The following TRAPPC3L variants were observed in gnomAD, a reference collection of about 807,000 sequenced individuals.
TRAPPC3L encodes trafficking protein particle complex subunit 3L, also known as trafficking protein particle complex subunit 3-like protein.
Under a neutral mutation model 23.7 loss-of-function variants are expected in TRAPPC3L, and 23 were observed. The observed-to-expected ratio is 0.97, with a 90% confidence interval of 0.70 to 1.37. The LOEUF (loss-of-function observed/expected upper bound fraction) is 1.37, where lower values mean the gene tolerates loss of function less well. TRAPPC3L is among the 40% of genes most tolerant of loss of function. TRAPPC3L has a pLI of 0.00. For synonymous variants in TRAPPC3L, 81 were observed against 77.9 expected, an observed-to-expected ratio of 1.04 and a Z score of -0.21; for missense variants, 212 against 216.8, an observed-to-expected ratio of 0.98 and a Z score of 0.14.
At chr6:116,543,823 A>G (rs985941557) in intron 1 of TRAPPC3L, 3 of 1,534,358 alleles carry the variant, frequency 2.0e-6, no homozygotes, top group Admixed American at 2.0e-5. Flanking sequence ...AATGGCCCCC[A>G]GATCTGCCAA....
At chr6:116,530,926 T>C (rs148206257) in intron 3 of TRAPPC3L, among the ~76,000 whole-genome samples, 3,094 of 142,808 alleles carry the variant, frequency 0.022, 60 homozygotes, top group Middle Eastern at 0.077. Context: ...TATATATATA[T>C]ATATATATAT....
intron 3 of TRAPPC3L, chr6:116,512,145 G>A (rs1772134917): frequency 1.2e-5 from 19 of 1,613,442 alleles, no homozygotes; most frequent in Non-Finnish European, 1.4e-5. Context: ...AAAGAGTGCT[G>A]GGAAGAACTT....
chr6:116,505,218 C>G (rs1771982798), intron 3 of TRAPPC3L, among the ~76,000 whole-genome samples: 1 of 152,098 alleles, frequency 6.6e-6, no homozygotes, highest in Non-Finnish European at 1.5e-5. Context: ...TTCTTACACA[C>G]CAATAACAGA....
chr6:116,521,177 A>T (rs1772332079), intron 3 of TRAPPC3L: 3 of 152,094 alleles, frequency 2.0e-5, no homozygotes, highest in Admixed American at 1.3e-4. Context: ...ATATAACAAA[A>T]CATGACAAAT....
At chr6:116,515,607 G>A in intron 3 of TRAPPC3L, 1 of 1,607,774 alleles carries the variant, frequency 6.2e-7, no homozygotes, top group Non-Finnish European at 8.5e-7. Flanking sequence ...AAGATTCTAG[G>A]ATGGTGCCTG....
chr6:116,512,312 C>A, intron 3 of TRAPPC3L: 1 of 1,431,908 alleles, frequency 7.0e-7, no homozygotes, highest in Non-Finnish European at 9.4e-7. Context: ...TCAGCCAGGG[C>A]TGTCTGTGTC....
Position 116,500,492 on chromosome 6 carries a change from C to T in TRAPPC3L, c.415G>A (p.Ala139Thr). The change falls in exon 4 of 5, where the codon GCC becomes ACC. Residue 139 changes from alanine to threonine, a missense_variant. By Grantham distance (58) the Ala-to-Thr change is moderately conservative (BLOSUM62 0). Transcript: ENST00000368602. The stretch of plus-strand genomic sequence containing the variant: ...TTATTCAACTTTACCATTTCCAAGG[C>T]ACCTCTGATAATCCCACAGAGCAAG... ...CNLLCGIIRG[A>T]LEMVHLAADV... 1 of 1,548,154 alleles carries T rather than the reference C, an allele frequency of 6.5e-7. No homozygotes were observed. Among genetic ancestry groups the T allele is most frequent in the South Asian group, 1.2e-5 (1 of 83,702 alleles).
At chr6:116,531,185 C>T (rs1772697618) in intron 3 of TRAPPC3L, among the ~76,000 whole-genome samples, 2 of 152,022 alleles carry the variant, frequency 1.3e-5, no homozygotes, top group Admixed American at 1.3e-4. Flanking sequence ...GCATGAAACT[C>T]TACTTAACAC....
At chr6:116,542,190 C>T (rs2115244015) in intron 2 of TRAPPC3L, among the ~76,000 whole-genome samples, 1 of 152,226 alleles carries the variant, frequency 6.6e-6, no homozygotes, top group Non-Finnish European at 1.5e-5. Flanking sequence ...ACATTCCTCA[C>T]AGCTATAGAC....
intron 3 of TRAPPC3L, chr6:116,512,119 T>G (rs756253294): frequency 1.2e-6 from 2 of 1,613,996 alleles, no homozygotes; most frequent in Admixed American, 3.3e-5. Context: ...TGGAACTGAT[T>G]TGCAAGGGTA....
At chr6:116,528,617 A>C (rs937889077) in intron 3 of TRAPPC3L, among the ~76,000 whole-genome samples, 4 of 152,236 alleles carry the variant, frequency 2.6e-5, no homozygotes, top group Non-Finnish European at 4.4e-5. Context: ...TATTACCACA[A>C]AGAATTTTTC....
At chr6:116,527,548 T>C in intron 3 of TRAPPC3L, among the ~76,000 whole-genome samples, 1 of 148,588 alleles carries the variant, frequency 6.7e-6, no homozygotes, top group Non-Finnish European at 1.5e-5. Flanking sequence ...AAGATTCCCA[T>C]GCTATGTGTT....
chr6:116,505,074 AATTGTCTCTGTTTG>A (rs1771980394), intron 3 of TRAPPC3L, among the ~76,000 whole-genome samples: 1 of 152,222 alleles, frequency 6.6e-6, no homozygotes, highest in Admixed American at 6.5e-5. Context: ...GAGGAAGTCA[AATTGTCTCTGTTTG>A]CAGATGACAT....
At chr6:116,511,443 G>T (rs1772116483) in intron 3 of TRAPPC3L, among the ~76,000 whole-genome samples, 2 of 151,948 alleles carry the variant, frequency 1.3e-5, no homozygotes, top group South Asian at 4.1e-4. Flanking sequence ...GGTTAAAATG[G>T]AGCCCGTGCA....
At chr6:116,539,066 CTG>C (rs1773275037) in intron 3 of TRAPPC3L, among the ~76,000 whole-genome samples, 1 of 152,138 alleles carries the variant, frequency 6.6e-6, no homozygotes, top group Non-Finnish European at 1.5e-5. Flanking sequence ...TATAGAGAGA[CTG>C]TGTCTTACTA....
At chr6:116,504,957 C>T (rs1183689982) in intron 3 of TRAPPC3L, among the ~76,000 whole-genome samples, 3 of 152,174 alleles carry the variant, frequency 2.0e-5, no homozygotes, top group African/African-American at 7.2e-5. Context: ...AAAACCGGCA[C>T]AAGACAAGGA....
chr6:116,508,922 T>C (rs910147556), intron 3 of TRAPPC3L, among the ~76,000 whole-genome samples: 2 of 151,988 alleles, frequency 1.3e-5, no homozygotes, highest in African/African-American at 2.4e-5. Context: ...GATAATCATA[T>C]ATCTAGAAAA....
chr6:116,511,760 T>A (rs1389347118), intron 3 of TRAPPC3L: 2 of 1,614,086 alleles, frequency 1.2e-6, no homozygotes, highest in Admixed American at 3.3e-5. Flanking sequence ...TGGCTACAGC[T>A]TCATGGCTCT....
At chr6:116,510,760 A>G (rs1337721240) in intron 3 of TRAPPC3L, among the ~76,000 whole-genome samples, 2 of 152,110 alleles carry the variant, frequency 1.3e-5, no homozygotes, top group East Asian at 1.9e-4. Flanking sequence ...TATGAAACCA[A>G]TCTAAGTACC....
Sources: gnomAD v4.1 joint callset for allele counts (sites outside exome capture counted in the v4.1 genomes callset) on GRCh38, gnomAD v4.1.1 for gene constraint, MANE v1.5 for transcripts, NCBI Gene and HGNC (gene_info 2026-07-23, HGNC 2026-07-21) for gene names.